Variants in TENM3 observed in about 807,000 individuals in gnomAD.
TENM3 encodes the protein teneurin-3.
Under a neutral mutation model 255.1 loss-of-function variants are expected in TENM3, and 63 were observed. The observed-to-expected ratio is 0.25, with a 90% CI of 0.20 to 0.30. The LOEUF (loss-of-function observed/expected upper bound fraction) is 0.30. Ranked by LOEUF, TENM3 falls within the 10% of genes least tolerant of loss-of-function variation. The pLI is 1.00. For missense variants in TENM3, 2,929 were observed against 3,461.1 expected (o/e 0.85, Z 3.86); for synonymous variants, 1,306 against 1,322.3 (o/e 0.99, Z 0.27).
chr4:182,195,489 A>T (rs1342977840), intron 1 of TENM3, among the ~76,000 whole-genome samples: 1 of 152,014 alleles, frequency 6.6e-6, no homozygotes, highest in Non-Finnish European at 1.5e-5. Flanking sequence ...AAATAGAAAA[A>T]ATTAGCTGAG....
the TENM3 span, among the ~76,000 whole-genome samples, chr4:181,985,655 C>A: frequency 6.6e-6 from 1 of 152,026 alleles, no homozygotes. Context: ...TAAATGTTAG[C>A]AAATCGAATT....
chr4:182,576,621 G>A (rs1005863510), intron 3 of TENM3, among the ~76,000 whole-genome samples: 1 of 152,192 alleles, frequency 6.6e-6, no homozygotes, highest in African/African-American at 2.4e-5. Context: ...TTAGTGTGTT[G>A]CTAAAGCTAA....
chr4:182,431,808 G>T (rs1771668879), intron 3 of TENM3, among the ~76,000 whole-genome samples: 1 of 151,990 alleles, frequency 6.6e-6, no homozygotes, highest in African/African-American at 2.4e-5. Context: ...CGGGCATAGT[G>T]GTTTACACCT....
chr4:181,671,087 T>A, the TENM3 span, among the ~76,000 whole-genome samples: 2 of 152,160 alleles, frequency 1.3e-5, no homozygotes, highest in Admixed American at 6.5e-5. Context: ...ATAGGTAATG[T>A]TCCCCGTGAA....
At position 182,251,488 on chromosome 4, in the gene TENM3, A is replaced by G. The variant is rs138062447; in HGVS notation, c.-76+8012A>G. On this transcript the variant is annotated intron_variant, in intron 1 of 27. Coordinates refer to ENST00000511685, the MANE Select transcript of TENM3 (RefSeq NM_001080477.4). ...GTCTCAAAACAAAACAAAAGCGATG[A>G]TGGGAAGTTGTCTTTTACTGTTAAA... Among the ~76,000 whole-genome samples the G allele has an allele frequency of 8.9e-4, 135 of 152,294 alleles. 1 individual carries two copies. Among genetic ancestry groups the G allele is most frequent in the Middle Eastern group, 3.4e-3 (1 of 294 alleles).
At chr4:182,025,190 G>A in the TENM3 span, among the ~76,000 whole-genome samples, 4 of 151,954 alleles carry the variant, frequency 2.6e-5, no homozygotes, top group Admixed American at 6.6e-5. Context: ...CACCACGCCC[G>A]GCTAATTTTT....
chr4:181,567,757 A>G, the TENM3 span, among the ~76,000 whole-genome samples: 2 of 152,190 alleles, frequency 1.3e-5, no homozygotes, highest in African/African-American at 2.4e-5. Flanking sequence ...TATGTTGTGT[A>G]TGTGTGTGAC....
At chr4:181,995,490 G>A in the TENM3 span, among the ~76,000 whole-genome samples, 1 of 152,066 alleles carries the variant, frequency 6.6e-6, no homozygotes, top group Admixed American at 6.6e-5. Flanking sequence ...TTCATTACAA[G>A]TAACTCTCAA....
intron 3 of TENM3, among the ~76,000 whole-genome samples, chr4:182,430,680 G>T (rs938215196): frequency 6.6e-6 from 1 of 151,586 alleles, no homozygotes; most frequent in Non-Finnish European, 1.5e-5. Flanking sequence ...TGGCTTTGTC[G>T]ATCACAAAGC....
intron 3 of TENM3, among the ~76,000 whole-genome samples, chr4:182,409,949 G>C (rs148482069): frequency 6.6e-6 from 1 of 151,916 alleles, no homozygotes; most frequent in African/African-American, 2.4e-5. Flanking sequence ...TCAGCCTCCA[G>C]AGTAGCTGAG....
At chr4:181,504,311 C>T in the TENM3 span, among the ~76,000 whole-genome samples, 1 of 152,210 alleles carries the variant, frequency 6.6e-6, no homozygotes, top group South Asian at 2.1e-4. Flanking sequence ...TCTCTTCTTA[C>T]TCTTGCCTCG....
At chr4:182,370,810 T>C (rs1445545017) in intron 3 of TENM3, among the ~76,000 whole-genome samples, 2 of 152,188 alleles carry the variant, frequency 1.3e-5, no homozygotes, top group Non-Finnish European at 2.9e-5. Context: ...AATTCTGCTT[T>C]CTGTTGCTAA....
intron 3 of TENM3, among the ~76,000 whole-genome samples, chr4:182,521,664 G>T (rs78417269): frequency 6.6e-6 from 1 of 152,072 alleles, no homozygotes; most frequent in African/African-American, 2.4e-5. Context: ...AAATATTTTT[G>T]ATGTATTCAT....
At chr4:182,334,340 A>G (rs1020961277) in intron 2 of TENM3, among the ~76,000 whole-genome samples, 6 of 152,216 alleles carry the variant, frequency 3.9e-5, no homozygotes, top group African/African-American at 1.4e-4. Context: ...TACCATAAGA[A>G]TATTAATTCT....
the TENM3 span, among the ~76,000 whole-genome samples, chr4:181,807,148 T>A: frequency 6.6e-6 from 1 of 152,232 alleles, no homozygotes; most frequent in East Asian, 1.9e-4. Flanking sequence ...GTTGTAGTTA[T>A]TTGAAAGCAT....
intron 3 of TENM3, among the ~76,000 whole-genome samples, chr4:182,542,811 A>C (rs1741016904): frequency 6.6e-6 from 1 of 152,200 alleles, no homozygotes; most frequent in Admixed American, 6.5e-5. Context: ...TAATGTTAGC[A>C]GGAGAGTTGT....
intron 3 of TENM3, among the ~76,000 whole-genome samples, chr4:182,427,812 A>G (rs911882167): frequency 6.6e-6 from 1 of 152,190 alleles, no homozygotes; most frequent in African/African-American, 2.4e-5. Flanking sequence ...AAATCTTGCC[A>G]AGAAAAGTTG....
At chr4:182,352,548 C>A (rs775964959) in intron 3 of TENM3, among the ~76,000 whole-genome samples, 72 of 152,232 alleles carry the variant, frequency 4.7e-4, no homozygotes, top group Non-Finnish European at 9.1e-4. Context: ...TCGGACCCCA[C>A]TAATGCCACA....
chr4:181,451,559 G>A, the TENM3 span, among the ~76,000 whole-genome samples: 1 of 152,152 alleles, frequency 6.6e-6, no homozygotes, highest in Non-Finnish European at 1.5e-5. Flanking sequence ...ACCAGTTGAG[G>A]AAGAAGAAAA....
Sources: gnomAD v4.1 joint callset for allele counts (sites outside exome capture counted in the v4.1 genomes callset) on GRCh38, gnomAD v4.1.1 for gene constraint, MANE v1.5 for transcripts, NCBI Gene and HGNC (gene_info 2026-07-23, HGNC 2026-07-21) for gene names.